NEDD9: variants seen among roughly 807,000 people sequenced by gnomAD.
NEDD9 encodes neural precursor cell expressed, developmentally down-regulated 9.
Under a neutral mutation model 76.6 loss-of-function variants are expected in NEDD9, and 26 were observed. That is an observed-to-expected ratio of 0.34 (90% CI 0.25 to 0.47). The LOEUF is 0.47. NEDD9 is among the 20% of genes least tolerant of loss of function. NEDD9 has a pLI of 1.00. For synonymous variants in NEDD9, 392 were observed against 414.2 expected (o/e 0.95, Z 0.65); for missense variants, 937 against 1,058.5 (o/e 0.89, Z 1.59).
At chr6:11,353,586 T>C (rs1762510697) in intron 1 of NEDD9, among the ~76,000 whole-genome samples, 1 of 152,228 alleles carries the variant, frequency 6.6e-6, no homozygotes, top group Non-Finnish European at 1.5e-5. Context: ...AATCTATTTC[T>C]GTCATCTGAA....
chr6:11,379,021 A>T (rs1205013713), intron 1 of NEDD9, among the ~76,000 whole-genome samples: 3 of 152,138 alleles, frequency 2.0e-5, no homozygotes, highest in African/African-American at 7.2e-5. Context: ...GGCAAAGTGA[A>T]GTTGTATATT....
chr6:11,368,405 C>T (rs902149612), intron 1 of NEDD9, among the ~76,000 whole-genome samples: 1 of 152,142 alleles, frequency 6.6e-6, no homozygotes, highest in African/African-American at 2.4e-5. Context: ...GAATGAGTCA[C>T]ACCGAAGTAA....
At chr6:11,373,831 G>A (rs563864165) in intron 1 of NEDD9, among the ~76,000 whole-genome samples, 117 of 152,246 alleles carry the variant, frequency 7.7e-4, no homozygotes, top group Non-Finnish European at 1.0e-3. Context: ...CAAAACAAAT[G>A]ACCTTCCATA....
intron 2 of NEDD9, among the ~76,000 whole-genome samples, chr6:11,307,411 G>T (rs967039719): frequency 1.3e-5 from 2 of 152,172 alleles, no homozygotes; most frequent in African/African-American, 4.8e-5. Context: ...TGACTCATTT[G>T]CTCTGCCTGA....
chr6:11,225,101 C>A (rs1271493402), intron 1 of NEDD9, among the ~76,000 whole-genome samples: 1 of 152,096 alleles, frequency 6.6e-6, no homozygotes, highest in Admixed American at 6.5e-5. Flanking sequence ...CATCCACCGC[C>A]CCCCTGCCCC....
At chr6:11,216,128 C>T (rs979880533) in intron 1 of NEDD9, among the ~76,000 whole-genome samples, 8 of 152,194 alleles carry the variant, frequency 5.3e-5, no homozygotes, top group African/African-American at 1.4e-4. Context: ...ATGTGGGCAC[C>T]GCAGGTGAGT....
intron 2 of NEDD9, among the ~76,000 whole-genome samples, chr6:11,197,902 C>A (rs1758328802): frequency 6.6e-6 from 1 of 152,120 alleles, no homozygotes; most frequent in African/African-American, 2.4e-5. Context: ...ATAGGGAGGT[C>A]TGAGAACCAG....
intron 3 of NEDD9, among the ~76,000 whole-genome samples, chr6:11,285,672 G>C (rs1037969642): frequency 1.3e-5 from 2 of 152,196 alleles, no homozygotes; most frequent in African/African-American, 2.4e-5. Flanking sequence ...CTTAAAGACT[G>C]ACAAATAGAT....
chr6:11,315,435 C>T (rs1357622405), intron 2 of NEDD9, among the ~76,000 whole-genome samples: 1 of 152,342 alleles, frequency 6.6e-6, no homozygotes, highest in Middle Eastern at 3.4e-3. Flanking sequence ...CCTGTGAAAA[C>T]TTTTTGGTTA....
Position 11,185,580 on chromosome 6 carries a change from G to A in NEDD9, c.2087C>T (p.Thr696Ile). The change falls in exon 7 of 7, where the codon ACA (threonine) becomes ATA (isoleucine). Residue 696 changes from threonine (T) to isoleucine (I), a missense_variant. Transcript: ENST00000379446. ...ATCCTGAGCACTCACGCCACTGTTTGTGGTGGGTAGGCTCTGAGAGGGCTT... is the reference window on the plus strand; with the variant it reads ...ATCCTGAGCACTCACGCCACTGTTTATGGTGGGTAGGCTCTGAGAGGGCTT... ...KWKPSQSLPT[T>I]NSGVSAQDRQ... The A allele has an allele frequency of 6.2e-7, 1 of 1,614,240 alleles. No individual in the cohort carries two copies.
At chr6:11,251,948 G>A (rs938151859) in intron 3 of NEDD9, among the ~76,000 whole-genome samples, 35 of 152,152 alleles carry the variant, frequency 2.3e-4, no homozygotes, top group African/African-American at 7.5e-4. Context: ...GTGTGGGGGG[G>A]GATGGTGAGT....
chr6:11,272,346 G>A (rs77770059), intron 3 of NEDD9, among the ~76,000 whole-genome samples: 125 of 152,320 alleles, frequency 8.2e-4, no homozygotes, highest in Non-Finnish European at 1.5e-3. Context: ...AGAATTCACA[G>A]TCAGTACCTG....
Position 11,319,864 on chromosome 6 carries a change from A to G in NEDD9, c.-152-13709T>C, listed in dbSNP as rs572272501. On this transcript the variant is annotated intron_variant, in intron 2 of 3. Transcript: ENST00000397378. Reference sequence around the variant, plus strand: ...CGCACTCATGCACACTCACACACTCATACACACTAACATGCACACATGCAC... The same window carrying G: ...CGCACTCATGCACACTCACACACTCGTACACACTAACATGCACACATGCAC... 2.6e-5 allele frequency among the ~76,000 whole-genome samples: 4 copies of G among 151,692 alleles called. No individual in the cohort carries two copies. In the East Asian group the frequency reaches 5.8e-4, roughly 22 times the overall value.
chr6:11,305,994 T>G, exon 3 of NEDD9: 1 of 1,613,978 alleles, frequency 6.2e-7, no homozygotes, highest in Non-Finnish European at 8.5e-7. Context: ...GTACTCACCC[T>G]TGTCCACATT....
chr6:11,366,119 A>G (rs1300661218), intron 1 of NEDD9, among the ~76,000 whole-genome samples: 1 of 152,112 alleles, frequency 6.6e-6, no homozygotes, highest in East Asian at 1.9e-4. Context: ...CCCAGTCTCT[A>G]TTAAAACTAC....
At chr6:11,263,271 A>C (rs1760146161) in intron 3 of NEDD9, among the ~76,000 whole-genome samples, 1 of 152,212 alleles carries the variant, frequency 6.6e-6, no homozygotes, top group Non-Finnish European at 1.5e-5. Context: ...CAACTCAAAG[A>C]GGTTCAAGAG....
chr6:11,362,695 C>T (rs776735814), intron 1 of NEDD9, among the ~76,000 whole-genome samples: 1 of 152,222 alleles, frequency 6.6e-6, no homozygotes, highest in Non-Finnish European at 1.5e-5. Context: ...GAAATAGTCA[C>T]CTACTCACTT....
chr6:11,272,719 G>A (rs1160236674), intron 3 of NEDD9, among the ~76,000 whole-genome samples: 1 of 152,176 alleles, frequency 6.6e-6, no homozygotes, highest in Non-Finnish European at 1.5e-5. Context: ...GATGAGAATG[G>A]AGCTGCAGAG....
chr6:11,322,976 A>C (rs1761843573), intron 2 of NEDD9, among the ~76,000 whole-genome samples: 1 of 152,264 alleles, frequency 6.6e-6, no homozygotes, highest in East Asian at 1.9e-4. Context: ...CATGGGAGTC[A>C]ATACTACTTT....
Sources: allele counts gnomAD v4.1 joint callset (sites outside exome capture counted in the v4.1 genomes callset), GRCh38; gene constraint gnomAD v4.1.1; transcripts MANE v1.5; gene names NCBI Gene and HGNC (gene_info 2026-07-23, HGNC 2026-07-21).